NEGR1: variants seen among roughly 807,000 people sequenced by gnomAD.
The protein encoded by NEGR1 is neuronal growth regulator 1.
Under a neutral mutation model 40.9 loss-of-function variants are expected in NEGR1, and 10 were observed. The ratio of observed to expected loss-of-function variants is 0.24; its 90% CI spans 0.15 to 0.42. The LOEUF (loss-of-function observed/expected upper bound fraction) is 0.42, where lower values mean the gene tolerates loss of function less well. Ranked by LOEUF, NEGR1 falls within the 10% of genes least tolerant of loss-of-function variation. The pLI, the probability that NEGR1 is intolerant of heterozygous loss-of-function variation, is 1.00. For synonymous variants in NEGR1, 185 were observed against 166.8 expected, an observed-to-expected ratio of 1.11 and a Z score of -0.84; for missense variants, 352 against 438.9, an observed-to-expected ratio of 0.80 and a Z score of 1.77.
intron 2 of NEGR1, among the ~76,000 whole-genome samples, chr1:71,895,917 C>A (rs1257382029): frequency 2.0e-5 from 3 of 152,168 alleles, no homozygotes; most frequent in East Asian, 1.9e-4. Context: ...GTACCAGTTT[C>A]TCCGCCTTTT....
intron 1 of NEGR1, among the ~76,000 whole-genome samples, chr1:72,004,809 T>C (rs1372841635): frequency 6.6e-6 from 1 of 152,116 alleles, no homozygotes; most frequent in Non-Finnish European, 1.5e-5. Flanking sequence ...CATAATACAT[T>C]TCAATATCCT....
At chr1:71,854,779 G>A (rs1319773753) in intron 2 of NEGR1, among the ~76,000 whole-genome samples, 1 of 152,034 alleles carries the variant, frequency 6.6e-6, no homozygotes, top group Non-Finnish European at 1.5e-5. Flanking sequence ...GATCTTGTGA[G>A]AACTCACTCA....
At chr1:71,726,575 C>G (rs1473820619) in intron 3 of NEGR1, among the ~76,000 whole-genome samples, 2 of 152,080 alleles carry the variant, frequency 1.3e-5, no homozygotes, top group Non-Finnish European at 2.9e-5. Context: ...AGAAGGTTCT[C>G]TCTACGTGAT....
At chr1:72,028,691 ACCTT>A in intron 1 of NEGR1, among the ~76,000 whole-genome samples, 1 of 152,210 alleles carries the variant, frequency 6.6e-6, no homozygotes, top group Non-Finnish European at 1.5e-5. Context: ...TGTCTACTTA[ACCTT>A]CAAGATTCTG....
At chr1:71,445,292 C>G (rs1236639361) in intron 6 of NEGR1, among the ~76,000 whole-genome samples, 1 of 148,168 alleles carries the variant, frequency 6.7e-6, no homozygotes, top group Non-Finnish European at 1.5e-5. Context: ...AGAACACAAG[C>G]TCAATGCTTT....
intron 2 of NEGR1, among the ~76,000 whole-genome samples, chr1:71,880,899 T>A (rs1184281014): frequency 1.3e-5 from 2 of 152,084 alleles, no homozygotes; most frequent in African/African-American, 4.8e-5. Context: ...TAGACTCGAT[T>A]TCTGACGTGA....
intron 6 of NEGR1, among the ~76,000 whole-genome samples, chr1:71,521,174 T>C (rs533928023): frequency 1.3e-5 from 2 of 152,128 alleles, no homozygotes; most frequent in South Asian, 4.1e-4. Context: ...AGATTCAATG[T>C]AGATATTTCA....
intron 2 of NEGR1, among the ~76,000 whole-genome samples, chr1:71,818,050 C>A (rs1658291176): frequency 6.6e-6 from 1 of 151,964 alleles, no homozygotes; most frequent in Admixed American, 6.6e-5. Flanking sequence ...CAGATGCCAG[C>A]AAGGCTGTAA....
At chr1:71,446,559 T>G (rs867159916) in intron 6 of NEGR1, among the ~76,000 whole-genome samples, 1 of 152,176 alleles carries the variant, frequency 6.6e-6, no homozygotes, top group African/African-American at 2.4e-5. Flanking sequence ...TATGACCAAT[T>G]TAAGTGGAAA....
At chr1:71,999,658 TATATATATATATATATATATAC>T (rs1293399746) in intron 1 of NEGR1, among the ~76,000 whole-genome samples, 7,176 of 61,674 alleles carry the variant, frequency 0.12, 581 homozygotes, top group South Asian at 0.31. Context: ...TATATATATA[TATATATATATATATATATATAC>T]ATACATATTT....
chr1:72,035,387 G>A (rs921921748), intron 1 of NEGR1, among the ~76,000 whole-genome samples: 9 of 152,124 alleles, frequency 5.9e-5, no homozygotes, highest in African/African-American at 2.2e-4. Flanking sequence ...GTTTCAACCG[G>A]ATTGGGATTA....
At chr1:71,552,305 C>T (rs1403858130) in intron 6 of NEGR1, among the ~76,000 whole-genome samples, 1 of 149,952 alleles carries the variant, frequency 6.7e-6, no homozygotes, top group Non-Finnish European at 1.5e-5. Flanking sequence ...ATCCTGTGGC[C>T]CTTCTATTAT....
intron 1 of NEGR1, among the ~76,000 whole-genome samples, chr1:72,165,098 A>G (rs538536230): frequency 6.6e-6 from 1 of 152,164 alleles, no homozygotes; most frequent in Admixed American, 6.5e-5. Flanking sequence ...TATATTAAAC[A>G]ATTGTGATTT....
At chr1:71,526,253 A>T (rs915441667) in intron 6 of NEGR1, among the ~76,000 whole-genome samples, 3 of 151,654 alleles carry the variant, frequency 2.0e-5, no homozygotes, top group South Asian at 2.1e-4. Flanking sequence ...CACTCTAACA[A>T]TCAGAGAATA....
chr1:71,700,564 C>A (rs1653654757), intron 3 of NEGR1, among the ~76,000 whole-genome samples: 1 of 151,910 alleles, frequency 6.6e-6, no homozygotes, highest in Non-Finnish European at 1.5e-5. Flanking sequence ...GTAAATTAAC[C>A]ACATGTCAAT....
At chr1:71,644,999 T>G (rs1265282407) in intron 4 of NEGR1, among the ~76,000 whole-genome samples, 1 of 151,962 alleles carries the variant, frequency 6.6e-6, no homozygotes, top group Non-Finnish European at 1.5e-5. Flanking sequence ...CTAGCTGTAC[T>G]CACACAATTT....
At chr1:71,855,902 G>A (rs534087420) in intron 2 of NEGR1, among the ~76,000 whole-genome samples, 124 of 152,048 alleles carry the variant, frequency 8.2e-4, no homozygotes, top group African/African-American at 2.8e-3. Flanking sequence ...ATTATGGACC[G>A]TGATTCTAGT....
intron 6 of NEGR1, among the ~76,000 whole-genome samples, chr1:71,414,277 G>T (rs886696479): frequency 6.6e-6 from 1 of 152,148 alleles, no homozygotes; most frequent in African/African-American, 2.4e-5. Context: ...CATACTGTGG[G>T]AGGAGTTTGC....
chr1:71,859,590 C>T (rs1409946250), intron 2 of NEGR1, among the ~76,000 whole-genome samples: 1 of 152,012 alleles, frequency 6.6e-6, no homozygotes, highest in African/African-American at 2.4e-5. Context: ...AAGAACATGA[C>T]TGCGTTCCGA....
Sources: allele counts gnomAD v4.1 joint callset (sites outside exome capture counted in the v4.1 genomes callset), GRCh38; gene constraint gnomAD v4.1.1; transcripts MANE v1.5; gene names NCBI Gene and HGNC (gene_info 2026-07-23, HGNC 2026-07-21).